GLT6D1: variants seen among roughly 807,000 people sequenced by gnomAD.
The protein encoded by GLT6D1 is putative glycosyltransferase 6 domain-containing protein 1.
GLT6D1 carries 9 observed loss-of-function variants against 12.3 expected under a neutral mutation model. The observed-to-expected ratio is 0.73, with a 90% confidence interval of 0.44 to 1.27. The LOEUF is 1.27. Ranked by LOEUF, GLT6D1 falls within the 50% of genes most tolerant of loss-of-function variation. The probability of loss-of-function intolerance (pLI) is 0.00; values close to 1 mark genes in which losing one functional copy is unlikely to be tolerated. For missense variants in GLT6D1, 335 were observed against 346.2 expected, an observed-to-expected ratio of 0.97 and a Z score of 0.26; for synonymous variants, 128 against 132.3, an observed-to-expected ratio of 0.97 and a Z score of 0.23.
intron 2 of GLT6D1, among the ~76,000 whole-genome samples, chr9:135,636,728 G>A (rs1833781225): frequency 6.6e-6 from 1 of 152,040 alleles, no homozygotes; most frequent in African/African-American, 2.4e-5. Flanking sequence ...ATATAGTTTT[G>A]CCTTTTCCAG....
At chr9:135,638,564 C>T (rs1833829143) in intron 2 of GLT6D1, among the ~76,000 whole-genome samples, 1 of 151,720 alleles carries the variant, frequency 6.6e-6, no homozygotes, top group African/African-American at 2.4e-5. Flanking sequence ...ATATTATATC[C>T]CTGGCATTGT....
chr9:135,632,533 A>C (rs1833673181), intron 2 of GLT6D1, among the ~76,000 whole-genome samples: 3 of 152,200 alleles, frequency 2.0e-5, no homozygotes, highest in African/African-American at 4.8e-5. Context: ...GGGGGAACTT[A>C]ATAAAAAGTC....
At chr9:135,630,836 G>A (rs1181243026) in intron 3 of GLT6D1, among the ~76,000 whole-genome samples, 1 of 152,056 alleles carries the variant, frequency 6.6e-6, no homozygotes, top group African/African-American at 2.4e-5. Context: ...TTTATGCACT[G>A]TAGACAAGAA....
chr9:135,626,445 A>T (rs1833520974), intron 3 of GLT6D1, among the ~76,000 whole-genome samples: 1 of 152,154 alleles, frequency 6.6e-6, no homozygotes, highest in Non-Finnish European at 1.5e-5. Flanking sequence ...CACTGCAGTT[A>T]ACACGTGGGG....
At chr9:135,626,760 C>G (rs1302985726) in intron 3 of GLT6D1, among the ~76,000 whole-genome samples, 1 of 152,032 alleles carries the variant, frequency 6.6e-6, no homozygotes, top group East Asian at 1.9e-4. Context: ...CAGTGCAATC[C>G]AGCAGAAATG....
intron 3 of GLT6D1, among the ~76,000 whole-genome samples, chr9:135,629,464 A>G (rs1833588227): frequency 6.6e-6 from 1 of 152,208 alleles, no homozygotes; most frequent in South Asian, 2.1e-4. Flanking sequence ...TTAGAAAAAA[A>G]TGATCAAATA....
At position 135,639,532 on chromosome 9, in the gene GLT6D1, T is replaced by C. The variant is rs988766748; in HGVS notation, c.-246A>G. 1.2e-5 allele frequency: 2 copies of C among 171,306 alleles called. No homozygotes were observed. Among genetic ancestry groups the C allele is most frequent in the African/African-American group, 4.7e-5 (2 of 42,272 alleles). 10.6% of individuals were successfully genotyped at this position (171,306 alleles called of 1,614,324 possible). The stretch of plus-strand genomic sequence containing the variant: ...TCTTGATGAGGAAGTCTTCTTGATC[T>C]AGGAGAATGTATTCTGCCCCCGAAG... On this transcript the variant is annotated 5_prime_UTR_variant, in exon 1 of 5. Coordinates refer to ENST00000371763, the MANE Select transcript of GLT6D1 (RefSeq NM_182974.3).
chr9:135,637,481 T>C (rs145930984), intron 2 of GLT6D1, among the ~76,000 whole-genome samples: 112 of 152,124 alleles, frequency 7.4e-4, no homozygotes, highest in African/African-American at 2.4e-3. Flanking sequence ...TCTTCCACAG[T>C]ACCTGTAACA....
At chr9:135,635,042 C>T (rs1472148649) in intron 2 of GLT6D1, among the ~76,000 whole-genome samples, 1 of 152,192 alleles carries the variant, frequency 6.6e-6, no homozygotes, top group African/African-American at 2.4e-5. Context: ...TGGAATTCTT[C>T]TGCATATGGG....
chr9:135,640,055 C>A (rs939874142), upstream of GLT6D1, among the ~76,000 whole-genome samples: 2 of 152,034 alleles, frequency 1.3e-5, no homozygotes, highest in African/African-American at 4.8e-5. Context: ...TCAGGTGATC[C>A]GCCCACCTCA....
Position 135,638,136 on chromosome 9 carries a change from T to C in GLT6D1, c.71+981A>G, listed in dbSNP as rs375851214. On this transcript the variant is annotated intron_variant, in intron 2 of 4. Coordinates refer to ENST00000371763, the MANE Select transcript of GLT6D1 (RefSeq NM_182974.3). The stretch of plus-strand genomic sequence containing the variant: ...CAGGAGGCAAAAGGCATGTCTTCCA[T>C]GGCAGCGGCAAGAGAAAATGAGAAA... 3.3e-5 allele frequency among the ~76,000 whole-genome samples: 5 copies of C among 152,282 alleles called. No homozygotes were observed. The East Asian group carries it at 9.6e-4, about 29-fold the overall frequency.
rs1040347973 is a variant in GLT6D1, at chr9:135,639,459, G to T, written c.-173C>A. Reference sequence around the variant, plus strand: ...CAAAGTCTGCGTTGATTGCATGAAAGAAACGCAATAAATCTCTCCACTGCA... The same window carrying T: ...CAAAGTCTGCGTTGATTGCATGAAATAAACGCAATAAATCTCTCCACTGCA... On this transcript the variant is annotated 5_prime_UTR_variant, in exon 1 of 5. Coordinates refer to ENST00000371763, the MANE Select transcript of GLT6D1 (RefSeq NM_182974.3). 2 of 294,196 alleles carry T rather than the reference G, an allele frequency of 6.8e-6. No individual in the cohort carries two copies. Among genetic ancestry groups the T allele is most frequent in the East Asian group, 6.7e-5 (1 of 14,844 alleles). 18.2% of individuals were successfully genotyped at this position (294,196 alleles called of 1,614,324 possible).
At chr9:135,630,390 G>A (rs1297634931) in intron 3 of GLT6D1, among the ~76,000 whole-genome samples, 1 of 134,392 alleles carries the variant, frequency 7.4e-6, no homozygotes, top group East Asian at 2.2e-4. Context: ...GGGCAACAGA[G>A]TGAGACTCTG....
intron 2 of GLT6D1, among the ~76,000 whole-genome samples, chr9:135,638,543 T>C (rs1285245181): frequency 6.6e-6 from 1 of 152,212 alleles, no homozygotes; most frequent in African/African-American, 2.4e-5. Context: ...TTATTATGCT[T>C]GTTTTATAAA....
chr9:135,626,286 C>A, intron 3 of GLT6D1, 80 bp from the exon 4 acceptor site: 1 of 1,469,742 alleles, frequency 6.8e-7, no homozygotes, highest in South Asian at 1.2e-5. Flanking sequence ...ATGCCTAATG[C>A]TTAGAGAGCA....
Position 135,624,036 on chromosome 9 carries a change from C to T in GLT6D1, c.*61G>A, listed in dbSNP as rs1588196849. The T allele has an allele frequency of 1.2e-5, 12 of 992,604 alleles. No individual in the cohort carries two copies. The highest frequency in any genetic ancestry group is 3.0e-5 in the South Asian group (2 of 67,080). The allele number at this position is 992,604 out of a possible 1,614,324, so 61.5% of individuals were successfully genotyped here. The stretch of plus-strand genomic sequence containing the variant: ...CTCTGGGAATCATGTGCGACCTTGA[C>T]GTATTGGATCTGTGGAGGAGGAGAA... On this transcript the variant is annotated 3_prime_UTR_variant, in exon 5 of 5. Transcript: ENST00000371763.
At chr9:135,635,234 G>A (rs901422709) in intron 2 of GLT6D1, among the ~76,000 whole-genome samples, 2 of 152,160 alleles carry the variant, frequency 1.3e-5, no homozygotes, top group African/African-American at 4.8e-5. Flanking sequence ...TTGCTCAAAA[G>A]GCTTCAGCTT....
At chr9:135,640,354 A>C (rs1257633399), upstream of GLT6D1, among the ~76,000 whole-genome samples, 2 of 152,106 alleles carry the variant, frequency 1.3e-5, no homozygotes, top group Non-Finnish European at 2.9e-5. Context: ...AATGAGAAAT[A>C]AATTATGAAA....
chr9:135,631,469 T>G lies in GLT6D1; in HGVS notation c.81A>C (p.Gln27His). 6.2e-7 allele frequency: 1 copy of G among 1,611,334 alleles called. No homozygotes were observed. Among genetic ancestry groups the G allele is most frequent in the South Asian group, 1.1e-5 (1 of 91,014 alleles). Residue 27 changes from glutamine (Q) to histidine (H), a missense_variant, in exon 3 of 5, where the codon CAA (glutamine) becomes CAC (histidine). Coordinates refer to ENST00000371763, the MANE Select transcript of GLT6D1 (RefSeq NM_182974.3). ...AGTCTGAGAGCCGAAGTTCTTCTAC[T>G]TGGTGATTCCTGGATACAAAGAGAA... The part of the protein sequence containing the change: ...MLVERYFRNH[Q>H]VEELRLSDWF...
Sources: gnomAD v4.1 joint callset for allele counts (sites outside exome capture counted in the v4.1 genomes callset) on GRCh38, gnomAD v4.1.1 for gene constraint, MANE v1.5 for transcripts, NCBI Gene and HGNC (gene_info 2026-07-23, HGNC 2026-07-21) for gene names.